The following USP32 variants were observed in gnomAD, a reference collection of about 807,000 sequenced individuals.
The protein encoded by USP32 is ubiquitin carboxyl-terminal hydrolase 32.
In USP32, 59 loss-of-function variants were observed where a neutral mutation model predicts 204.8. That is an observed-to-expected ratio of 0.29 (90% CI 0.23 to 0.36). USP32 has a LOEUF of 0.36. USP32 is among the 10% of genes least tolerant of loss of function. The pLI is 1.00. For synonymous variants in USP32, 517 were observed against 678.4 expected (o/e 0.76, Z 3.70); for missense variants, 1,160 against 1,946.4 (o/e 0.60, Z 7.60).
chr17:60,228,495 C>CTT (rs796712684), intron 12 of USP32, among the ~76,000 whole-genome samples: 26 of 135,772 alleles, frequency 1.9e-4, no homozygotes, highest in African/African-American at 7.5e-4. Flanking sequence ...TTTCTTTTTT[C>CTT]TTTTTCTTTT....
At chr17:60,312,163 C>G (rs963610847) in intron 2 of USP32, among the ~76,000 whole-genome samples, 14 of 152,186 alleles carry the variant, frequency 9.2e-5, no homozygotes, top group African/African-American at 3.1e-4. Context: ...AGGACCTAAG[C>G]TGGAAAGCAG....
intron 15 of USP32, among the ~76,000 whole-genome samples, chr17:60,221,907 C>T (rs1387478528): frequency 6.6e-6 from 1 of 152,136 alleles, no homozygotes; most frequent in East Asian, 1.9e-4. Flanking sequence ...GTAAGCACAA[C>T]AAATGGTGCT....
At chr17:60,318,726 T>G (rs949425684) in intron 2 of USP32, among the ~76,000 whole-genome samples, 15 of 152,132 alleles carry the variant, frequency 9.9e-5, no homozygotes, top group African/African-American at 1.7e-4. Flanking sequence ...ACACAAAAAT[T>G]TTACTGAATT....
rs1356206940 is a variant in USP32, at chr17:60,236,255, G to T, written c.1137-15C>A. 2.5e-6 allele frequency: 4 copies of T among 1,599,576 alleles called. No individual in the cohort carries two copies. The highest frequency in any genetic ancestry group is 1.1e-5 in the South Asian group (1 of 89,758). The stretch of plus-strand genomic sequence containing the variant: ...CTAACCATCCTCTGTATGTACAAAA[G>T]AAATTAAATACATCAAACAAAGTGT... On this transcript the variant is annotated splice_polypyrimidine_tract_variant and intron_variant, in intron 11 of 33. Coordinates refer to ENST00000300896, the MANE Select transcript of USP32 (RefSeq NM_032582.4).
chr17:60,308,486 CAG>C (rs1161021387), intron 2 of USP32, among the ~76,000 whole-genome samples: 1 of 152,212 alleles, frequency 6.6e-6, no homozygotes, highest in African/African-American at 2.4e-5. Context: ...AGCAGACACA[CAG>C]ACCAATGGAC....
At chr17:60,183,501 T>A in intron 30 of USP32, 48 bp from the exon 31 acceptor site, 4 of 1,517,408 alleles carry the variant, frequency 2.6e-6, no homozygotes, top group Non-Finnish European at 3.5e-6. Flanking sequence ...GTTCTGAAGA[T>A]ACAAAATTTA....
At chr17:60,343,769 C>T (rs949539610) in intron 2 of USP32, among the ~76,000 whole-genome samples, 2 of 152,206 alleles carry the variant, frequency 1.3e-5, no homozygotes, top group East Asian at 1.9e-4. Context: ...TGGTGGCTCA[C>T]GCCTGCAATC....
chr17:60,393,182 A>T (rs1052041544), upstream of USP32, among the ~76,000 whole-genome samples: 1 of 152,048 alleles, frequency 6.6e-6, no homozygotes, highest in Non-Finnish European at 1.5e-5. Flanking sequence ...CACTACTCTT[A>T]AGTATTTCCT....
chr17:60,185,819 T>C, intron 29 of USP32, 168 bp from the exon 30 acceptor site: 1 of 758,500 alleles, frequency 1.3e-6, no homozygotes, highest in Non-Finnish European at 2.0e-6. Context: ...CCCAGCACTT[T>C]AGGAGGCCGA....
chr17:60,407,036 G>A (rs35711414), intron 1 of USP32, among the ~76,000 whole-genome samples: 1 of 152,122 alleles, frequency 6.6e-6, no homozygotes, highest in African/African-American at 2.4e-5. Context: ...TGGCAGTGCA[G>A]AACTGACGTC....
chr17:60,232,818 A>G (rs1434292471), intron 12 of USP32, among the ~76,000 whole-genome samples: 1 of 150,758 alleles, frequency 6.6e-6, no homozygotes, highest in East Asian at 1.9e-4. Context: ...AAGTGCTGGG[A>G]TAATAGGCGT....
At chr17:60,338,667 A>C (rs1440344100) in intron 2 of USP32, among the ~76,000 whole-genome samples, 3 of 151,926 alleles carry the variant, frequency 2.0e-5, no homozygotes, top group Non-Finnish European at 4.4e-5. Flanking sequence ...GAGGTCGAGG[A>C]TGCAGTGAGC....
intron 1 of USP32, among the ~76,000 whole-genome samples, chr17:60,372,336 A>T (rs1012226624): frequency 5.9e-5 from 9 of 152,290 alleles, no homozygotes; most frequent in African/African-American, 2.2e-4. Flanking sequence ...TGATTTCATC[A>T]TTGTGCAGAC....
At chr17:60,254,884 TGAA>T (rs956711141) in intron 10 of USP32, among the ~76,000 whole-genome samples, 17 of 152,110 alleles carry the variant, frequency 1.1e-4, no homozygotes, top group Non-Finnish European at 2.5e-4. Flanking sequence ...AAGACAATAA[TGAA>T]GAAACTAGCA....
intron 2 of USP32, among the ~76,000 whole-genome samples, chr17:60,307,291 G>A (rs2087748688): frequency 6.6e-6 from 1 of 151,884 alleles, no homozygotes; most frequent in Non-Finnish European, 1.5e-5. Context: ...AGTAGAGATG[G>A]GGTTTCACTA....
chr17:60,355,775 G>A (rs1317847187), intron 1 of USP32, among the ~76,000 whole-genome samples: 1 of 144,964 alleles, frequency 6.9e-6, no homozygotes, highest in East Asian at 2.0e-4. Context: ...GGTCAAGGCT[G>A]CAGTCAGCCA....
Position 60,208,690 on chromosome 17 carries a change from G to A in USP32, c.2737C>T (p.Leu913=). Residue 913 remains leucine (L), a synonymous_variant, in exon 23 of 34, where the codon CTA becomes TTA. Transcript: ENST00000300896. ...AAGTGCATATAACTGTCCATTGGTAGTGGCAAAGACAAAAAATTGAAAGGG... is the reference window on the plus strand; with the variant it reads ...AAGTGCATATAACTGTCCATTGGTAATGGCAAAGACAAAAAATTGAAAGGG... The part of the protein sequence containing the change: ...FDPFNFLSLP[L]PMDSYMHLEI... 1 of 1,584,316 alleles carries A rather than the reference G, an allele frequency of 6.3e-7. No individual in the cohort carries two copies. The highest frequency in any genetic ancestry group is 1.4e-5 in the African/African-American group (1 of 73,738).
intron 5 of USP32, among the ~76,000 whole-genome samples, chr17:60,278,937 G>A (rs2086900898): frequency 6.6e-6 from 1 of 152,134 alleles, no homozygotes; most frequent in Non-Finnish European, 1.5e-5. Flanking sequence ...AACACTGTGT[G>A]TATTATATAA....
At chr17:60,311,708 C>T (rs1458701043) in intron 2 of USP32, among the ~76,000 whole-genome samples, 1 of 152,104 alleles carries the variant, frequency 6.6e-6, no homozygotes, top group Non-Finnish European at 1.5e-5. Flanking sequence ...ACTTGTAATC[C>T]CAGCTACTCA....
Sources: gnomAD v4.1 joint callset for allele counts (sites outside exome capture counted in the v4.1 genomes callset) on GRCh38, gnomAD v4.1.1 for gene constraint, MANE v1.5 for transcripts, NCBI Gene and HGNC (gene_info 2026-07-23, HGNC 2026-07-21) for gene names.